AFG1L: variants seen among roughly 807,000 people sequenced by gnomAD.
AFG1L encodes AFG1 like ATPase.
Under a neutral mutation model 62.2 loss-of-function variants are expected in AFG1L, and 53 were observed. That is an observed-to-expected ratio of 0.85 (90% CI 0.68 to 1.07). The LOEUF (loss-of-function observed/expected upper bound fraction) is 1.07. AFG1L is among the 50% of genes least tolerant of loss of function. The pLI is 0.00. For synonymous variants in AFG1L, 228 were observed against 210.3 expected, an observed-to-expected ratio of 1.08 and a Z score of -0.73; for missense variants, 555 against 590.5, an observed-to-expected ratio of 0.94 and a Z score of 0.62.
chr6:108,428,342 C>T (rs1319223728), intron 7 of AFG1L, among the ~76,000 whole-genome samples: 3 of 152,082 alleles, frequency 2.0e-5, no homozygotes, highest in South Asian at 2.1e-4. Flanking sequence ...TTTCTTTATC[C>T]ACTCATTGGT....
At chr6:108,323,084 C>G (rs1777876858) in intron 1 of AFG1L, among the ~76,000 whole-genome samples, 1 of 152,180 alleles carries the variant, frequency 6.6e-6, no homozygotes, top group South Asian at 2.1e-4. Context: ...GTTATGTTGT[C>G]TTTGAGTAGA....
rs1447661482 is a variant in AFG1L at position 108,524,771 on chromosome 6, G to A, written c.*2346G>A. The A allele has an allele frequency of 1.3e-5, 2 of 152,132 alleles. No individual in the cohort carries two copies. The highest frequency in any genetic ancestry group is 2.9e-5 in the Non-Finnish European group (2 of 68,060). 9.4% of individuals were successfully genotyped at this position (152,132 alleles called of 1,614,324 possible). On this transcript the variant is annotated 3_prime_UTR_variant, in exon 13 of 13. Transcript: ENST00000368977. ...CTTTGGCTGGATCTCTGGAGGGGAG[G>A]GAGTTCCATGGTGGCTGGAAATCTC...
At chr6:108,471,073 G>A (rs529227990) in intron 8 of AFG1L, among the ~76,000 whole-genome samples, 1 of 152,144 alleles carries the variant, frequency 6.6e-6, no homozygotes, top group African/African-American at 2.4e-5. Context: ...CAGCATCTTG[G>A]TCGACCATGA....
At chr6:108,392,269 T>C (rs1781088995) in intron 6 of AFG1L, 1 of 152,184 alleles carries the variant, frequency 6.6e-6, no homozygotes, top group Admixed American at 6.5e-5. Context: ...GTGGCAGAGA[T>C]AGTGATACCT....
chr6:108,510,500 A>G, intron 11 of AFG1L, 148 bp downstream of exon 11: 1 of 643,168 alleles, frequency 1.6e-6, no homozygotes. Context: ...GGGGATGATA[A>G]TATTATTTAC....
intron 1 of AFG1L, among the ~76,000 whole-genome samples, chr6:108,322,943 A>G (rs546655636): frequency 2.6e-5 from 4 of 152,360 alleles, no homozygotes; most frequent in South Asian, 4.1e-4. Context: ...AAATAGGATC[A>G]GAACACCACC....
chr6:108,299,265 A>G (rs1776889176), intron 1 of AFG1L, among the ~76,000 whole-genome samples: 1 of 149,442 alleles, frequency 6.7e-6, no homozygotes. Context: ...CATCTCAAAA[A>G]AGAAAAAAAA....
chr6:108,507,070 T>C (rs141667977), intron 10 of AFG1L, among the ~76,000 whole-genome samples: 2 of 152,308 alleles, frequency 1.3e-5, no homozygotes, highest in African/African-American at 2.4e-5. Flanking sequence ...CATTCTTCTT[T>C]CTCATGTTTT....
At chr6:108,399,398 G>A (rs960364429) in intron 6 of AFG1L, among the ~76,000 whole-genome samples, 1 of 151,676 alleles carries the variant, frequency 6.6e-6, no homozygotes, top group Non-Finnish European at 1.5e-5. Flanking sequence ...GTGTTGGCCA[G>A]GATGGTCTCG....
chr6:108,394,323 T>G (rs1444498085), intron 6 of AFG1L, among the ~76,000 whole-genome samples: 1 of 152,018 alleles, frequency 6.6e-6, no homozygotes, highest in Non-Finnish European at 1.5e-5. Context: ...AATCTTGTTT[T>G]TTTTTAGTAG....
At chr6:108,502,173 C>T (rs376075518) in intron 10 of AFG1L, among the ~76,000 whole-genome samples, 2 of 148,252 alleles carry the variant, frequency 1.3e-5, no homozygotes, top group African/African-American at 4.9e-5. Context: ...ATTACAGGTG[C>T]AGCCACCATG....
At chr6:108,322,708 T>G (rs1245252490) in intron 1 of AFG1L, among the ~76,000 whole-genome samples, 3 of 152,222 alleles carry the variant, frequency 2.0e-5, no homozygotes, top group African/African-American at 7.2e-5. Context: ...TAAAGTAATT[T>G]TTATGTTATT....
intron 2 of AFG1L, 74 bp from the exon 3 acceptor site, chr6:108,346,914 T>C: frequency 2.6e-6 from 3 of 1,137,896 alleles, no homozygotes; most frequent in Non-Finnish European, 4.0e-6. Flanking sequence ...TATAGGACAG[T>C]TAGGAAGACT....
At chr6:108,509,308 T>C (rs1774541984) in intron 10 of AFG1L, among the ~76,000 whole-genome samples, 1 of 152,228 alleles carries the variant, frequency 6.6e-6, no homozygotes, top group Admixed American at 6.5e-5. Flanking sequence ...TGCCTCCAAT[T>C]ATTCTGGAGC....
chr6:108,432,586 T>C (rs534851557), intron 7 of AFG1L, among the ~76,000 whole-genome samples: 1 of 152,328 alleles, frequency 6.6e-6, no homozygotes, highest in South Asian at 2.1e-4. Context: ...GATGATCCTA[T>C]GGCTTTAGTT....
At chr6:108,340,755 T>C (rs1245617396) in intron 2 of AFG1L, among the ~76,000 whole-genome samples, 2 of 151,934 alleles carry the variant, frequency 1.3e-5, no homozygotes, top group East Asian at 3.9e-4. Context: ...TGATAGAAGG[T>C]TGGAAGAAGG....
At chr6:108,507,367 A>G (rs186317931) in intron 10 of AFG1L, among the ~76,000 whole-genome samples, 260 of 152,334 alleles carry the variant, frequency 1.7e-3, no homozygotes, top group African/African-American at 6.0e-3. Context: ...TGTTGTCTTG[A>G]AAGGAGAAAG....
intron 2 of AFG1L, among the ~76,000 whole-genome samples, chr6:108,341,999 C>CT (rs1309441735): frequency 6.6e-6 from 1 of 152,086 alleles, no homozygotes; most frequent in Non-Finnish European, 1.5e-5. Context: ...AATTTAGAGA[C>CT]TACTTAGAGA....
At chr6:108,344,492 A>G (rs530845652) in intron 2 of AFG1L, among the ~76,000 whole-genome samples, 2 of 152,258 alleles carry the variant, frequency 1.3e-5, no homozygotes, top group African/African-American at 4.8e-5. Context: ...AGGCTGAGGC[A>G]AGAGGATTGC....
Sources: gnomAD v4.1 joint callset for allele counts (sites outside exome capture counted in the v4.1 genomes callset) on GRCh38, gnomAD v4.1.1 for gene constraint, MANE v1.5 for transcripts, NCBI Gene and HGNC (gene_info 2026-07-23, HGNC 2026-07-21) for gene names.